RESF1: variants seen among roughly 807,000 people sequenced by gnomAD.
RESF1 encodes gonad expressed transcript.
In RESF1, 65 loss-of-function variants were observed where a neutral mutation model predicts 134.7. The observed-to-expected ratio is 0.48, with a 90% CI of 0.40 to 0.59. The LOEUF is 0.59. Among genes scored for constraint, RESF1 ranks in the 20% least tolerant of loss-of-function variants. The pLI is 0.00. For missense variants in RESF1, 2,274 were observed against 2,002.7 expected (o/e 1.14, Z -2.59); for synonymous variants, 762 against 702.2 (o/e 1.09, Z -1.35).
chr12:31,969,804 T>C (rs1442657710), intron 2 of RESF1, among the ~76,000 whole-genome samples: 1 of 152,162 alleles, frequency 6.6e-6, no homozygotes, highest in Non-Finnish European at 1.5e-5. Context: ...CTGCCCAGGT[T>C]AGTCTCGAAC....
chr12:31,968,511 C>G (rs931972653), intron 2 of RESF1, among the ~76,000 whole-genome samples: 2 of 150,924 alleles, frequency 1.3e-5, no homozygotes, highest in African/African-American at 2.4e-5. Flanking sequence ...TGCAGTGGCG[C>G]TATCCCGGCT....
intron 2 of RESF1, among the ~76,000 whole-genome samples, chr12:31,965,208 C>T (rs1939371202): frequency 6.6e-6 from 1 of 152,164 alleles, no homozygotes; most frequent in East Asian, 1.9e-4. Flanking sequence ...CAGCGTGCCT[C>T]TGCCTCCCAA....
chr12:31,980,246 G>A (rs1275139177), intron 3 of RESF1, among the ~76,000 whole-genome samples: 2 of 151,294 alleles, frequency 1.3e-5, no homozygotes, highest in Non-Finnish European at 2.9e-5. Flanking sequence ...TGAGTAGCTG[G>A]GATTACAGGT....
chr12:31,982,503 A>C lies in RESF1; in HGVS notation c.1548A>C (p.Pro516=). Residue 516 remains proline (P), a synonymous_variant, in exon 4 of 6, where the codon CCA becomes CCC. Coordinates refer to ENST00000312561, the MANE Select transcript of RESF1 (RefSeq NM_018169.4). The part of the protein sequence containing the change: ...NPVYSEKRPM[P]DSSHDVKVLT... Reference sequence around the variant, plus strand: ...TCTATTCTGAAAAGCGGCCAATGCCAGACTCATCTCATGATGTGAAAGTTC... The same window carrying C: ...TCTATTCTGAAAAGCGGCCAATGCCCGACTCATCTCATGATGTGAAAGTTC... 6.2e-7 allele frequency: 1 copy of C among 1,613,750 alleles called. No homozygotes were observed. Among genetic ancestry groups the C allele is most frequent in the East Asian group, 2.2e-5 (1 of 44,882 alleles).
intron 2 of RESF1, among the ~76,000 whole-genome samples, chr12:31,963,314 C>T (rs1001352122): frequency 8.6e-5 from 13 of 150,746 alleles, no homozygotes; most frequent in African/African-American, 3.2e-4. Context: ...CACTGCACTC[C>T]AGCCTGGACG....
chr12:31,985,030 C>G lies in RESF1; in HGVS notation c.4075C>G (p.Pro1359Ala), dbSNP rs1939931035. ...KHSSLGQSLSPEKIKLKLKSV... is the reference protein window; with the variant it reads ...KHSSLGQSLSAEKIKLKLKSV... ...TAGTTCTTTGGGACAGTCATTATCA[C>G]CAGAAAAGATAAAATTGAAACTCAA... Residue 1359 changes from proline to alanine, a missense_variant, in exon 4 of 6, where the codon CCA becomes GCA. By Grantham distance (27) the Pro-to-Ala change is conservative (BLOSUM62 -1). Coordinates refer to ENST00000312561, the MANE Select transcript of RESF1 (RefSeq NM_018169.4). 7.6e-6 allele frequency: 12 copies of G among 1,585,816 alleles called. No homozygotes were observed. Among genetic ancestry groups the G allele is most frequent in the Non-Finnish European group, 1.0e-5 (12 of 1,172,868 alleles).
At chr12:31,959,559 G>T (rs1186968548) in intron 1 of RESF1, 68 bp downstream of exon 1, 1 of 152,366 alleles carries the variant, frequency 6.6e-6, no homozygotes, top group East Asian at 1.9e-4. Flanking sequence ...GGGGCCGGGA[G>T]CCGGGAGCCA....
chr12:31,964,275 T>C (rs75105246), intron 2 of RESF1, among the ~76,000 whole-genome samples: 10,307 of 151,932 alleles, frequency 0.068, 496 homozygotes, highest in South Asian at 0.14. Context: ...TGTTTTTTTT[T>C]CAAATCCTCT....
Position 31,982,305 on chromosome 12 carries a change from A to G in RESF1, c.1350A>G (p.Lys450=). The change falls in exon 4 of 6, where the codon AAA becomes AAG. Residue 450 remains lysine, a synonymous_variant. Coordinates refer to ENST00000312561, the MANE Select transcript of RESF1 (RefSeq NM_018169.4). ...NSKLSLKQTA[K]IQSGPQITPV... ...AATTGTCTCTAAAACAAACTGCCAA[A>G]ATCCAGTCTGGACCCCAGATAACTC... The G allele has an allele frequency of 1.2e-6, 2 of 1,614,162 alleles. No individual in the cohort carries two copies. Among genetic ancestry groups the G allele is most frequent in the South Asian group, 2.2e-5 (2 of 91,080 alleles).
intron 5 of RESF1, 138 bp from the exon 6 acceptor site, chr12:31,992,240 A>G (rs1012993214): frequency 3.8e-5 from 27 of 719,054 alleles, no homozygotes; most frequent in African/African-American, 2.0e-4. Flanking sequence ...GTGAAGAGCT[A>G]TGGTTCTGAA....
intron 3 of RESF1, among the ~76,000 whole-genome samples, chr12:31,979,113 G>T (rs1310178666): frequency 6.6e-6 from 1 of 151,702 alleles, no homozygotes; most frequent in Non-Finnish European, 1.5e-5. Context: ...GTAGAGACGG[G>T]GTTTCACTGT....
chr12:31,965,288 G>A (rs193175329), intron 2 of RESF1, among the ~76,000 whole-genome samples: 299 of 152,162 alleles, frequency 2.0e-3, no homozygotes, highest in Non-Finnish European at 3.5e-3. Context: ...TCCTTTTTCT[G>A]TGTCAAAGTT....
At position 31,984,540 on chromosome 12, in the gene RESF1, C is replaced by A. The variant is rs867391316; in HGVS notation, c.3585C>A (p.Asn1195Lys). Residue 1195 changes from asparagine to lysine, a missense_variant, in exon 4 of 6, where the codon AAC becomes AAA. Physicochemically the swap from Asn to Lys is moderately conservative, Grantham distance 94. Coordinates refer to ENST00000312561, the MANE Select transcript of RESF1 (RefSeq NM_018169.4). ...AGTGTCAGTGTAATTCCATCAAGAA[C>A]TCATCTTCAGAGGAAGAGAAACAAA... Reference protein sequence around the residue: ...VPQCQCNSIKNSSSEEEKQKE... With the variant: ...VPQCQCNSIKKSSSEEEKQKE... 5 of 1,592,622 alleles carry A rather than the reference C, an allele frequency of 3.1e-6. No individual in the cohort carries two copies. In the Middle Eastern group the frequency reaches 8.4e-4, roughly 268 times the overall value.
chr12:31,988,168 G>A (rs1250094966), intron 5 of RESF1, among the ~76,000 whole-genome samples: 1 of 152,176 alleles, frequency 6.6e-6, no homozygotes, highest in East Asian at 1.9e-4. Context: ...TTTTATAGAT[G>A]AGAGGTTACA....
In RESF1 at chr12:31,981,110, A is replaced by G. The variant is rs369543891; in HGVS notation, c.155A>G (p.Tyr52Cys). Residue 52 changes from tyrosine to cysteine, a missense_variant, in exon 4 of 6, where the codon TAT (tyrosine) becomes TGT (cysteine). Physicochemically the swap from Tyr to Cys is radical, Grantham distance 194 (BLOSUM62 -2). Transcript: ENST00000312561. ...YPGSNQEACMYPGNSNPISQP... is the reference protein window; with the variant it reads ...YPGSNQEACMCPGNSNPISQP... The stretch of plus-strand genomic sequence containing the variant: ...GGAAGTAACCAAGAAGCATGCATGT[A>G]TCCCGGTAATTCAAATCCAATTTCA... 4.2e-5 allele frequency: 67 copies of G among 1,614,084 alleles called. No homozygotes were observed. The African/African-American group carries it at 7.3e-4, about 18-fold the overall frequency.
chr12:31,967,931 A>G (rs1939434916), intron 2 of RESF1, among the ~76,000 whole-genome samples: 1 of 152,198 alleles, frequency 6.6e-6, no homozygotes, highest in Non-Finnish European at 1.5e-5. Flanking sequence ...GGATTCTAGA[A>G]AGCCTATTTA....
chr12:31,989,234 A>G (rs193129085), intron 5 of RESF1, among the ~76,000 whole-genome samples: 2 of 150,738 alleles, frequency 1.3e-5, no homozygotes, highest in African/African-American at 4.9e-5. Flanking sequence ...GTCTCTACTG[A>G]AAATATAAAA....
Position 31,981,754 on chromosome 12 carries a change from C to T in RESF1, c.799C>T (p.Gln267Ter). ...AAGGCAGACCTCAGCTGTACCATCACAGCAGTATGCCACGCAAACTGACAA... is the reference window on the plus strand; with the variant it reads ...AAGGCAGACCTCAGCTGTACCATCATAGCAGTATGCCACGCAAACTGACAA... ...PSRQTSAVPS[Q>*]QYATQTDKRP... is the part of the protein sequence containing the mutation. The change falls in exon 4 of 6, where the codon CAG (glutamine) becomes TAG (stop). Residue 267 changes from glutamine (Q) to a stop codon, truncating the protein, a stop_gained. Coordinates refer to ENST00000312561, the MANE Select transcript of RESF1 (RefSeq NM_018169.4). LOFTEE classifies it high-confidence loss of function. 6.2e-7 allele frequency: 1 copy of T among 1,613,820 alleles called. No individual in the cohort carries two copies. The highest frequency in any genetic ancestry group is 8.5e-7 in the Non-Finnish European group (1 of 1,179,996).
In RESF1 at chr12:31,982,982, G is replaced by C. The variant is rs1299681826; in HGVS notation, c.2027G>C (p.Cys676Ser). The C allele has an allele frequency of 6.2e-7, 1 of 1,613,992 alleles. No homozygotes were observed. Among genetic ancestry groups the C allele is most frequent in the East Asian group, 2.2e-5 (1 of 44,888 alleles). The change falls in exon 4 of 6, where the codon TGT (cysteine) becomes TCT (serine). Residue 676 changes from cysteine (C) to serine (S), a missense_variant. Cys to Ser is a moderately radical substitution (Grantham distance 112, BLOSUM62 -1). Transcript: ENST00000312561. ...TGTTCCATGGAAGTGCTAGCAACCT[G>C]TCTTTCCCTGTGGAAAAAGCAACCT... ...SSCSMEVLAT[C>S]LSLWKKQPSD...
Sources: gnomAD v4.1 joint callset for allele counts (sites outside exome capture counted in the v4.1 genomes callset) on GRCh38, gnomAD v4.1.1 for gene constraint, MANE v1.5 for transcripts, NCBI Gene and HGNC (gene_info 2026-07-23, HGNC 2026-07-21) for gene names.